ADARB2: variants seen among roughly 807,000 people sequenced by gnomAD.
The protein encoded by ADARB2 is adenosine deaminase RNA specific B2 (inactive), also known as inactive double-stranded RNA-specific editase B2.
ADARB2 carries 25 observed loss-of-function variants against 62.2 expected under a neutral mutation model. The observed-to-expected ratio is 0.40, with a 90% confidence interval of 0.29 to 0.56. ADARB2 has a LOEUF of 0.56. Ranked by LOEUF, ADARB2 falls within the 20% of genes least tolerant of loss-of-function variation. The pLI, the probability that ADARB2 is intolerant of heterozygous loss-of-function variation, is 0.43. For missense variants in ADARB2, 1,071 were observed against 1,077.4 expected (o/e 0.99, Z 0.08); for synonymous variants, 572 against 500.8 (o/e 1.14, Z -1.90).
intron 1 of ADARB2, among the ~76,000 whole-genome samples, chr10:1,612,056 G>T (rs1396442527): frequency 6.6e-6 from 1 of 152,178 alleles, no homozygotes; most frequent in African/African-American, 2.4e-5. Context: ...AGGTGGGTTC[G>T]GGCCGACCAG....
intron 1 of ADARB2, among the ~76,000 whole-genome samples, chr10:1,632,655 C>A (rs1833858250): frequency 6.6e-6 from 1 of 152,208 alleles, no homozygotes. Context: ...AAGTCAAGGA[C>A]TGATGGCAGA....
intron 9 of ADARB2, among the ~76,000 whole-genome samples, chr10:1,184,403 G>A (rs898474710): frequency 7.9e-5 from 12 of 152,172 alleles, no homozygotes; most frequent in African/African-American, 2.2e-4. Flanking sequence ...TGTGGATGTC[G>A]TGGAAATGCT....
chr10:1,488,681 T>C (rs1372635467), intron 1 of ADARB2, among the ~76,000 whole-genome samples: 4 of 152,172 alleles, frequency 2.6e-5, no homozygotes, highest in South Asian at 4.1e-4. Context: ...GCACGTCCGC[T>C]CCTCACACTG....
intron 1 of ADARB2, among the ~76,000 whole-genome samples, chr10:1,679,781 T>A (rs1588350008): frequency 6.6e-6 from 1 of 152,296 alleles, no homozygotes; most frequent in South Asian, 2.1e-4. Context: ...AACGACTGGA[T>A]CGCTTGGGCT....
chr10:1,241,685 C>T (rs1830925935), intron 5 of ADARB2, among the ~76,000 whole-genome samples: 1 of 152,228 alleles, frequency 6.6e-6, no homozygotes, highest in Non-Finnish European at 1.5e-5. Context: ...GGGCACAGTT[C>T]TCAAGGCCTC....
At chr10:1,562,534 GTACATGCCAGT>G (rs375279097) in intron 1 of ADARB2, among the ~76,000 whole-genome samples, 1 of 152,352 alleles carries the variant, frequency 6.6e-6, no homozygotes, top group African/African-American at 2.4e-5. Context: ...AACTGGCTCA[GTACATGCCAGT>G]TACGATCTGT....
chr10:1,582,535 A>G (rs1833119483), intron 1 of ADARB2, among the ~76,000 whole-genome samples: 1 of 152,154 alleles, frequency 6.6e-6, no homozygotes, highest in African/African-American at 2.4e-5. Context: ...TTTACTGGAG[A>G]TGAATGACAG....
intron 7 of ADARB2, among the ~76,000 whole-genome samples, chr10:1,202,681 G>C (rs976654843): frequency 6.6e-6 from 1 of 152,356 alleles, no homozygotes; most frequent in Middle Eastern, 3.4e-3. Context: ...GGGTACTGTG[G>C]TCCCAGTGGG....
intron 7 of ADARB2, among the ~76,000 whole-genome samples, chr10:1,204,578 A>C (rs1837025992): frequency 6.6e-6 from 1 of 152,166 alleles, no homozygotes; most frequent in Admixed American, 6.5e-5. Context: ...CCCCACCTGC[A>C]CCTTCTGTCG....
chr10:1,558,197 G>A (rs990848835), intron 1 of ADARB2, among the ~76,000 whole-genome samples: 1 of 152,000 alleles, frequency 6.6e-6, no homozygotes, highest in Non-Finnish European at 1.5e-5. Context: ...GACCCCGCGT[G>A]CCCCATCTAA....
chr10:1,211,858 G>A (rs12354822), intron 7 of ADARB2, among the ~76,000 whole-genome samples: 17,324 of 152,216 alleles, frequency 0.11, 1,286 homozygotes, highest in Non-Finnish European at 0.17. Flanking sequence ...TGAGTTTTGA[G>A]TACCTGTTAC....
chr10:1,259,390 A>G (rs1831112316), intron 4 of ADARB2, among the ~76,000 whole-genome samples: 1 of 152,210 alleles, frequency 6.6e-6, no homozygotes, highest in South Asian at 2.1e-4. Flanking sequence ...AACAAAATTG[A>G]TAGACCTCTA....
In ADARB2 at chr10:1,316,548, G is replaced by A. The variant is rs77684324; in HGVS notation, c.1078-45479C>T. ...ATCCCAGTCATTCTGGGAGTCATTG[G>A]TTTTCCTCCTACCCGGAATAGGATT... On this transcript the variant is annotated intron_variant, in intron 3 of 9. Transcript: ENST00000381312. Among the ~76,000 whole-genome samples the A allele has an allele frequency of 7.4e-3, 1,123 of 152,268 alleles. 18 individuals are homozygous for A. The highest frequency in any genetic ancestry group is 0.025 in the African/African-American group (1,029 of 41,530).
At chr10:1,610,611 G>A (rs755261962) in intron 1 of ADARB2, among the ~76,000 whole-genome samples, 6 of 152,190 alleles carry the variant, frequency 3.9e-5, no homozygotes, top group Non-Finnish European at 7.4e-5. Context: ...TTCCTCGTCA[G>A]AGCCCTCGTC....
intron 1 of ADARB2, among the ~76,000 whole-genome samples, chr10:1,557,852 C>T (rs565231995): frequency 3.1e-4 from 47 of 152,168 alleles, no homozygotes; most frequent in Non-Finnish European, 5.4e-4. Flanking sequence ...GCGGAGGTTG[C>T]GGTGAGCTGA....
intron 1 of ADARB2, among the ~76,000 whole-genome samples, chr10:1,643,015 G>A (rs1332645546): frequency 6.6e-6 from 1 of 152,176 alleles, no homozygotes; most frequent in African/African-American, 2.4e-5. Context: ...AAGAGGCCTG[G>A]GTGTTTATTC....
chr10:1,607,632 A>G (rs1833510447), intron 1 of ADARB2, among the ~76,000 whole-genome samples: 1 of 152,202 alleles, frequency 6.6e-6, no homozygotes, highest in Non-Finnish European at 1.5e-5. Flanking sequence ...CCTCCAGTAA[A>G]GTACGAGAGC....
intron 1 of ADARB2, among the ~76,000 whole-genome samples, chr10:1,434,039 T>A (rs1238466638): frequency 6.6e-6 from 1 of 152,220 alleles, no homozygotes; most frequent in Non-Finnish European, 1.5e-5. Context: ...ATTTAGGTGC[T>A]GATTTTTTTG....
chr10:1,342,913 CA>C (rs1162516257), intron 3 of ADARB2, among the ~76,000 whole-genome samples: 1 of 152,166 alleles, frequency 6.6e-6, no homozygotes, highest in Non-Finnish European at 1.5e-5. Context: ...AAGTGATCTC[CA>C]AATTGGGGAA....
Sources: allele counts gnomAD v4.1 joint callset (sites outside exome capture counted in the v4.1 genomes callset), GRCh38; gene constraint gnomAD v4.1.1; transcripts MANE v1.5; gene names NCBI Gene and HGNC (gene_info 2026-07-23, HGNC 2026-07-21).